HTR2C: variants seen among roughly 807,000 people sequenced by gnomAD.
HTR2C encodes 5-hydroxytryptamine receptor 2C, also known as 5-hydroxytryptamine (serotonin) receptor 2C, G protein-coupled.
A neutral mutation model predicts 21.0 loss-of-function variants in HTR2C; 5 were observed. The observed-to-expected ratio is 0.24, with a 90% CI of 0.12 to 0.50. HTR2C has a LOEUF of 0.50. Ranked by LOEUF, HTR2C falls within the 20% of genes least tolerant of loss-of-function variation. HTR2C has a pLI of 0.98. For synonymous variants in HTR2C, 150 were observed against 145.3 expected, an observed-to-expected ratio of 1.03 and a Z score of -0.23; for missense variants, 271 against 371.2, an observed-to-expected ratio of 0.73 and a Z score of 2.22.
At chrX:114,783,307 T>A (rs924010898) in intron 4 of HTR2C, among the ~76,000 whole-genome samples, 6 of 111,770 alleles carry the variant, frequency 5.4e-5, no homozygotes, top group African/African-American at 1.9e-4. Context: ...ATATAATTAG[T>A]AACTGAAAGA....
chrX:114,778,027 G>A (rs1487561276), intron 4 of HTR2C, among the ~76,000 whole-genome samples: 1 of 111,827 alleles, frequency 8.9e-6, no homozygotes, highest in Non-Finnish European at 1.9e-5. Flanking sequence ...AAAATGTTTG[G>A]CAGAAAATAA....
At position 114,617,974 on chromosome X, in the gene HTR2C, A is replaced by G. The variant is rs368426163; in HGVS notation, c.-80+4093A>G. 8.9e-5 allele frequency among the ~76,000 whole-genome samples: 10 copies of G among 112,267 alleles called. No individual in the cohort carries two copies. In the East Asian group the frequency reaches 1.9e-3, roughly 22 times the overall value. ...GGAATGCATTTTAGTAAATGAACATACACATTTAAAGCACAGGAAAACCTG... is the reference window on the plus strand; with the variant it reads ...GGAATGCATTTTAGTAAATGAACATGCACATTTAAAGCACAGGAAAACCTG... On this transcript the variant is annotated intron_variant, in intron 2 of 5. Coordinates refer to ENST00000276198, the MANE Select transcript of HTR2C (RefSeq NM_000868.4).
intron 2 of HTR2C, chrX:114,652,575 G>A (rs1930617573): frequency 9.7e-6 from 3 of 307,880 alleles, no homozygotes; most frequent in Admixed American, 7.4e-5. Flanking sequence ...TTATCAAACT[G>A]AAAATTATGG....
chrX:114,667,058 G>A (rs1371022503), intron 2 of HTR2C, among the ~76,000 whole-genome samples: 3 of 110,399 alleles, frequency 2.7e-5, no homozygotes, highest in African/African-American at 9.9e-5. Flanking sequence ...GAATTTTAAG[G>A]GAACTCTGGG....
chrX:114,860,527 T>C (rs1556472603), intron 5 of HTR2C, among the ~76,000 whole-genome samples: 2 of 111,500 alleles, frequency 1.8e-5, no homozygotes, highest in Non-Finnish European at 3.8e-5. Flanking sequence ...TATAGTTATT[T>C]CTTAATATAA....
chrX:114,882,893 G>A (rs1359195548), intron 5 of HTR2C, among the ~76,000 whole-genome samples: 1 of 110,296 alleles, frequency 9.1e-6, no homozygotes, highest in Non-Finnish European at 1.9e-5. Context: ...AAAAGTTTGG[G>A]AAGAACTGGT....
intron 2 of HTR2C, among the ~76,000 whole-genome samples, chrX:114,655,880 G>A (rs1234800840): frequency 1.8e-5 from 2 of 110,955 alleles, no homozygotes; most frequent in Non-Finnish European, 3.8e-5. Flanking sequence ...TTCCCATCCT[G>A]GCTTTCTTCA....
At chrX:114,687,739 T>C (rs1181073348) in intron 2 of HTR2C, among the ~76,000 whole-genome samples, 2 of 111,729 alleles carry the variant, frequency 1.8e-5, no homozygotes, top group African/African-American at 6.5e-5. Flanking sequence ...TAAAGTGCAG[T>C]TGAGACTCTT....
chrX:114,695,282 G>C (rs899860144), intron 2 of HTR2C, among the ~76,000 whole-genome samples: 2 of 112,219 alleles, frequency 1.8e-5, no homozygotes, highest in African/African-American at 6.5e-5. Flanking sequence ...AAAACATAGC[G>C]TTGGGTTTTC....
chrX:114,900,615 GA>G (rs1417562999), intron 5 of HTR2C: 7 of 111,122 alleles, frequency 6.3e-5, no homozygotes, highest in African/African-American at 2.0e-4. Context: ...AGGTATCCTT[GA>G]AAAAAAATTT....
At chrX:114,840,167 T>C (rs782019379) in intron 4 of HTR2C, among the ~76,000 whole-genome samples, 3 of 109,425 alleles carry the variant, frequency 2.7e-5, no homozygotes, top group East Asian at 2.9e-4. Context: ...CACACATATA[T>C]ACACACACAC....
intron 5 of HTR2C, among the ~76,000 whole-genome samples, chrX:114,866,899 A>T (rs2071050321): frequency 9.0e-6 from 1 of 111,630 alleles, no homozygotes; most frequent in African/African-American, 3.3e-5. Flanking sequence ...TTATCCATTC[A>T]TCTGTTGATG....
At chrX:114,585,813 A>G (rs1927365869) in intron 1 of HTR2C, among the ~76,000 whole-genome samples, 1 of 110,478 alleles carries the variant, frequency 9.1e-6, no homozygotes, top group Non-Finnish European at 1.9e-5. Flanking sequence ...CATCCAAGGA[A>G]GCCTCTGATT....
Position 114,902,408 on chromosome X carries a change from G to A in HTR2C, c.551-4181G>A, listed in dbSNP as rs183823606. ...ACTCCAAAAGAGTTTTTGCTTATGC[G>A]GCTTATATTTATTGATATTTATGGT... On this transcript the variant is annotated intron_variant, in intron 5 of 5. Coordinates refer to ENST00000276198, the MANE Select transcript of HTR2C (RefSeq NM_000868.4). Among the ~76,000 whole-genome samples the A allele has an allele frequency of 2.0e-4, 22 of 109,855 alleles. No homozygotes were observed. The East Asian group carries it at 2.6e-3, about 13-fold the overall frequency.
At position 114,801,707 on chromosome X, in the gene HTR2C, G is replaced by T. The variant is rs146357302; in HGVS notation, c.350-46296G>T. Among the ~76,000 whole-genome samples, 18 of 110,759 alleles carry T rather than the reference G, an allele frequency of 1.6e-4. No homozygotes were observed. The East Asian group carries it at 4.8e-3, about 30-fold the overall frequency. ...TTGTGGGTACATGGTAGATGTGTTC[G>T]TTTATGGGGTGTACATGAGATCTTT... is the stretch of plus-strand genomic sequence containing the variant. On this transcript the variant is annotated intron_variant, in intron 4 of 5. Transcript: ENST00000276198.
At chrX:114,684,741 G>C (rs113248759) in intron 2 of HTR2C, among the ~76,000 whole-genome samples, 66 of 111,397 alleles carry the variant, frequency 5.9e-4, no homozygotes, top group African/African-American at 2.0e-3. Flanking sequence ...AAATGAGAAT[G>C]GTAGTGGGAG....
At chrX:114,890,141 T>C (rs1344095633) in intron 5 of HTR2C, among the ~76,000 whole-genome samples, 1 of 112,051 alleles carries the variant, frequency 8.9e-6, no homozygotes, top group East Asian at 2.8e-4. Context: ...ATTTTAGATA[T>C]ATTTGAATTA....
chrX:114,744,541 C>T (rs1046903283), intron 4 of HTR2C, among the ~76,000 whole-genome samples: 21 of 108,195 alleles, frequency 1.9e-4, no homozygotes, highest in African/African-American at 6.8e-4. Flanking sequence ...CAAGCTCTGC[C>T]TCCCAGGTTC....
chrX:114,686,006 G>T (rs1556414160), intron 2 of HTR2C, among the ~76,000 whole-genome samples: 3 of 111,494 alleles, frequency 2.7e-5, no homozygotes, highest in African/African-American at 9.8e-5. Flanking sequence ...CTGAAGGGCA[G>T]TTGATATAGA....
Sources: allele counts gnomAD v4.1 joint callset (sites outside exome capture counted in the v4.1 genomes callset), GRCh38; gene constraint gnomAD v4.1.1; transcripts MANE v1.5; gene names NCBI Gene and HGNC (gene_info 2026-07-23, HGNC 2026-07-21).